The following HID1 variants were observed in gnomAD, a reference collection of about 807,000 sequenced individuals.
HID1 encodes HID1 domain containing.
A neutral mutation model predicts 89.7 loss-of-function variants in HID1; 42 were observed. The ratio of observed to expected loss-of-function variants is 0.47; its 90% confidence interval spans 0.37 to 0.61. The LOEUF (loss-of-function observed/expected upper bound fraction) is 0.61, where lower values mean the gene tolerates loss of function less well. Ranked by LOEUF, HID1 falls within the 20% of genes least tolerant of loss-of-function variation. The pLI is 0.00. For missense variants in HID1, 854 were observed against 1,039.3 expected (o/e 0.82, Z 2.45); for synonymous variants, 442 against 433.8 (o/e 1.02, Z -0.24).
In HID1 at chr17:74,972,531, G is replaced by A; in HGVS notation, c.66+60C>T. 2 of 1,460,222 alleles carry A rather than the reference G, an allele frequency of 1.4e-6. No homozygotes were observed. The highest frequency in any genetic ancestry group is 2.0e-4 in the Middle Eastern group (1 of 5,098). The allele number at this position is 1,460,222 out of a possible 1,614,324, so 90.5% of individuals were successfully genotyped here. ...CGACGAGCCAAGTTCGCGTACCCCC[G>A]GCCCTGCCCAGCCCCCAGCCCGGCA... On this transcript the variant is annotated intron_variant, in intron 1 of 18. Coordinates refer to ENST00000425042, the MANE Select transcript of HID1 (RefSeq NM_030630.3). The surrounding 1 kb of genome is among the most constrained non-coding windows in gnomAD (Gnocchi z 6.4).
At chr17:74,965,444 CACAG>C (rs2039548233) in intron 1 of HID1, among the ~76,000 whole-genome samples, 1 of 152,234 alleles carries the variant, frequency 6.6e-6, no homozygotes, top group Non-Finnish European at 1.5e-5. Context: ...CACACGTGCA[CACAG>C]ACACACATGC....
intron 15 of HID1, 38 bp downstream of exon 15, chr17:74,953,507 G>T: frequency 6.4e-7 from 1 of 1,563,130 alleles, no homozygotes; most frequent in Non-Finnish European, 8.8e-7. Flanking sequence ...GAAGGGAAGG[G>T]CCAGCCACGC....
chr17:74,953,534 C>G lies in HID1; in HGVS notation c.1971+11G>C, dbSNP rs1417972947. 6.2e-7 allele frequency: 1 copy of G among 1,611,876 alleles called. No individual in the cohort carries two copies. The highest frequency in any genetic ancestry group is 2.2e-5 in the East Asian group (1 of 44,828). Reference sequence around the variant, plus strand: ...CAGCCACGCCCGGCTCCAGGAGTCCCCGTCACCCACCCCCTTAGCCGGGCT... The same window carrying G: ...CAGCCACGCCCGGCTCCAGGAGTCCGCGTCACCCACCCCCTTAGCCGGGCT... On this transcript the variant is annotated intron_variant, in intron 15 of 18. Transcript: ENST00000425042.
chr17:74,962,942 GT>G lies in HID1; in HGVS notation c.504+22del. 1.3e-6 allele frequency: 2 copies of G among 1,551,512 alleles called. No individual in the cohort carries two copies. The highest frequency in any genetic ancestry group is 1.8e-6 in the Non-Finnish European group (2 of 1,126,984). On this transcript the variant is annotated intron_variant, in intron 4 of 18. Coordinates refer to ENST00000425042, the MANE Select transcript of HID1 (RefSeq NM_030630.3). This position sits in a 1 kb window ranked among gnomAD's most constrained non-coding sequence, Gnocchi z 4.3. ...GGACCAGAGCCTACTCCGCCTGGGG[GT>G]GGGGGGCTGGGGGACACTCACCACA...
chr17:74,960,463 G>A (rs2039462711), intron 6 of HID1, among the ~76,000 whole-genome samples: 1 of 152,208 alleles, frequency 6.6e-6, no homozygotes, highest in Non-Finnish European at 1.5e-5. Context: ...ACCCTCCCTT[G>A]GGTCCTCAGA....
rs765557598 is a variant in HID1, at chr17:74,950,889, G to C, written c.*681C>G. The C allele has an allele frequency of 6.6e-6, 1 of 152,406 alleles. No individual in the cohort carries two copies. The highest frequency in any genetic ancestry group is 1.5e-5 in the Non-Finnish European group (1 of 68,208). 9.4% of individuals were successfully genotyped at this position (152,406 alleles called of 1,614,324 possible). On this transcript the variant is annotated 3_prime_UTR_variant, in exon 19 of 19. Coordinates refer to ENST00000425042, the MANE Select transcript of HID1 (RefSeq NM_030630.3). Reference sequence around the variant, plus strand: ...CCCCATCCAGGCAGTGGGCAGGGCAGGGAGGACTAAACGGCTGCCTCCCAG... The same window carrying C: ...CCCCATCCAGGCAGTGGGCAGGGCACGGAGGACTAAACGGCTGCCTCCCAG...
In HID1 at chr17:74,958,663, C is replaced by CCGGGGG; in HGVS notation, c.1240+9_1240+10insCCCCCG. Reference sequence around the variant, plus strand: ...AAGCCCCCAGCATCCCACCCCCACCCTGGTCTTACACTGATCGGCCCGGGC... The same window carrying CCGGGGG: ...AAGCCCCCAGCATCCCACCCCCACCCCGGGGGTGGTCTTACACTGATCGGCCCGGGC... On this transcript the variant is annotated intron_variant, in intron 10 of 18. Coordinates refer to ENST00000425042, the MANE Select transcript of HID1 (RefSeq NM_030630.3). The surrounding 1 kb of genome is among the most constrained non-coding windows in gnomAD (Gnocchi z 5.2). 6.3e-7 allele frequency: 1 copy of CCGGGGG among 1,595,636 alleles called. No homozygotes were observed. The highest frequency in any genetic ancestry group is 8.6e-7 in the Non-Finnish European group (1 of 1,164,216).
At chr17:74,954,670 G>A in intron 13 of HID1, 1 of 448,818 alleles carries the variant, frequency 2.2e-6, no homozygotes, top group Non-Finnish European at 4.0e-6. Flanking sequence ...ACAGGCCCCA[G>A]CATGGCAGCA....
chr17:74,954,779 C>T (rs9897379), intron 13 of HID1: 196,384 of 240,476 alleles, frequency 0.82, 83,845 homozygotes, highest in Non-Finnish European at 0.93. Flanking sequence ...CATCCCCCAA[C>T]GCTGACTTCT....
In HID1 at chr17:74,964,552, C is replaced by T. The variant is rs2039534030; in HGVS notation, c.147G>A (p.Leu49=). ...CGGCCCGGATCTCTGCTGCCGGCAC[C>T]AGTGCAAACACATCCTGCACCGAGG... The part of the protein sequence containing the change: ...TATSVQDVFA[L]VPAAEIRAVR... The change falls in exon 2 of 19, where the codon CTG becomes CTA. Residue 49 remains leucine, a synonymous_variant. Coordinates refer to ENST00000425042, the MANE Select transcript of HID1 (RefSeq NM_030630.3). 2 of 1,610,728 alleles carry T rather than the reference C, an allele frequency of 1.2e-6. No homozygotes were observed. The highest frequency in any genetic ancestry group is 1.7e-6 in the Non-Finnish European group (2 of 1,178,848).
In HID1 at chr17:74,972,533, C is replaced by G; in HGVS notation, c.66+58G>C. The G allele has an allele frequency of 6.8e-7, 1 of 1,472,020 alleles. No individual in the cohort carries two copies. The allele number at this position is 1,472,020 out of a possible 1,614,324, so 91.2% of individuals were successfully genotyped here. ...ACGAGCCAAGTTCGCGTACCCCCGG[C>G]CCTGCCCAGCCCCCAGCCCGGCAGG... is the stretch of plus-strand genomic sequence containing the variant. On this transcript the variant is annotated intron_variant, in intron 1 of 18. Coordinates refer to ENST00000425042, the MANE Select transcript of HID1 (RefSeq NM_030630.3). The surrounding 1 kb of genome is among the most constrained non-coding windows in gnomAD (Gnocchi z 6.4).
chr17:74,958,847 T>G lies in HID1; in HGVS notation c.1149+64A>C. The G allele has an allele frequency of 1.3e-6, 2 of 1,585,038 alleles. No homozygotes were observed. The highest frequency in any genetic ancestry group is 1.7e-6 in the Non-Finnish European group (2 of 1,164,982). Reference sequence around the variant, plus strand: ...ACCCCCCTCAGTCTGACACTGTCCCTGCCCCCGGGTTATTGGGGCAGCTGC... The same window carrying G: ...ACCCCCCTCAGTCTGACACTGTCCCGGCCCCCGGGTTATTGGGGCAGCTGC... On this transcript the variant is annotated intron_variant, in intron 9 of 18. Transcript: ENST00000425042. The surrounding 1 kb of genome is among the most constrained non-coding windows in gnomAD (Gnocchi z 5.2).
Position 74,951,384 on chromosome 17 carries a change from T to A in HID1, c.*186A>T, listed in dbSNP as rs2039295479. ...GCTCCTGTGAGTCCAGCCTAGGGGT[T>A]GAGGGGGATCTGAGCCAGTTCACAT... On this transcript the variant is annotated 3_prime_UTR_variant, in exon 19 of 19. Coordinates refer to ENST00000425042, the MANE Select transcript of HID1 (RefSeq NM_030630.3). The A allele has an allele frequency of 3.2e-6, 2 of 617,170 alleles. No homozygotes were observed. Among genetic ancestry groups the A allele is most frequent in the Non-Finnish European group, 5.8e-6 (2 of 347,282 alleles). The allele number at this position is 617,170 out of a possible 1,614,324, so 38.2% of individuals were successfully genotyped here.
intron 12 of HID1, among the ~76,000 whole-genome samples, chr17:74,957,393 A>C (rs2039406019): frequency 6.6e-6 from 1 of 151,688 alleles, no homozygotes; most frequent in East Asian, 1.9e-4. Context: ...CTGAGGCATG[A>C]GGATCACTTA....
intron 1 of HID1, among the ~76,000 whole-genome samples, chr17:74,971,039 A>G (rs572821724): frequency 6.6e-6 from 1 of 152,206 alleles, no homozygotes. Flanking sequence ...ATAGGGCTGT[A>G]GCCAGGGAAA....
Position 74,958,329 on chromosome 17 carries a change from C to A in HID1, c.1390G>T (p.Val464Leu). ...CCCGGCCGCACGAGCCCCCTCACCACAATGAGCAGGTCGGCGTGGGTCCCT... is the reference window on the plus strand; with the variant it reads ...CCCGGCCGCACGAGCCCCCTCACCAAAATGAGCAGGTCGGCGTGGGTCCCT... ...FTGTHADLLI[V>L]VFHKIITSGH... Residue 464 changes from valine to leucine, a missense_variant and splice_region_variant, in exon 11 of 19, where the codon GTG becomes TTG. Physicochemically the swap from Val to Leu is conservative, Grantham distance 32 (BLOSUM62 1). Coordinates refer to ENST00000425042, the MANE Select transcript of HID1 (RefSeq NM_030630.3). This position sits in a 1 kb window ranked among gnomAD's most constrained non-coding sequence, Gnocchi z 5.2. 1 of 1,613,244 alleles carries A rather than the reference C, an allele frequency of 6.2e-7. No individual in the cohort carries two copies. Among genetic ancestry groups the A allele is most frequent in the Non-Finnish European group, 8.5e-7 (1 of 1,179,706 alleles).
intron 1 of HID1, among the ~76,000 whole-genome samples, chr17:74,971,887 T>C (rs977110748): frequency 6.6e-6 from 1 of 152,060 alleles, no homozygotes; most frequent in Admixed American, 6.5e-5. Flanking sequence ...TCCCCATCCC[T>C]GAGCCAGAGA....
chr17:74,963,451 C>T lies in HID1; in HGVS notation c.387+289G>A, dbSNP rs536957025. 23 of 515,590 alleles carry T rather than the reference C, an allele frequency of 4.5e-5. No homozygotes were observed. In the East Asian group the frequency reaches 6.5e-4, roughly 15 times the overall value. 31.9% of individuals were successfully genotyped at this position (515,590 alleles called of 1,614,324 possible). A position where few individuals can be genotyped will look rare whatever the true frequency, so the allele number is the denominator to read the frequency against. Reference sequence around the variant, plus strand: ...AGGACAGTGTGGTCCCTCTCCGGCCCTCAGAGGGCCCAGCTCCTCTGCCTC... The same window carrying T: ...AGGACAGTGTGGTCCCTCTCCGGCCTTCAGAGGGCCCAGCTCCTCTGCCTC... On this transcript the variant is annotated intron_variant, in intron 3 of 18. Transcript: ENST00000425042.
intron 1 of HID1, among the ~76,000 whole-genome samples, chr17:74,969,092 G>A (rs1173976948): frequency 6.6e-6 from 1 of 152,202 alleles, no homozygotes; most frequent in Admixed American, 6.5e-5. Flanking sequence ...CAGGGTCACT[G>A]AGGCCCCTTA....
Sources: gnomAD v4.1 joint callset for allele counts (sites outside exome capture counted in the v4.1 genomes callset) on GRCh38, gnomAD v4.1.1 for gene constraint, Gnocchi (gnomAD v3.1) non-coding constraint, MANE v1.5 for transcripts, NCBI Gene and HGNC (gene_info 2026-07-23, HGNC 2026-07-21) for gene names.